Variants in TTC6 observed in about 807,000 individuals in gnomAD.
TTC6 encodes tetratricopeptide repeat protein 6.
TTC6 carries 172 observed loss-of-function variants against 210.4 expected under a neutral mutation model. The ratio of observed to expected loss-of-function variants is 0.82; its 90% CI spans 0.72 to 0.93. The LOEUF (loss-of-function observed/expected upper bound fraction) is 0.93. TTC6 is among the 40% of genes least tolerant of loss of function. TTC6 has a pLI of 0.00. For synonymous variants in TTC6, 804 were observed against 819.6 expected, an observed-to-expected ratio of 0.98 and a Z score of 0.32; for missense variants, 2,414 against 2,318.1, an observed-to-expected ratio of 1.04 and a Z score of -0.85.
intron 12 of TTC6, among the ~76,000 whole-genome samples, chr14:37,750,341 A>C (rs2095948043): frequency 6.6e-6 from 1 of 152,242 alleles, no homozygotes; most frequent in Non-Finnish European, 1.5e-5. Context: ...CACCTACAAC[A>C]TACCCATAAA....
intron 1 of TTC6, among the ~76,000 whole-genome samples, chr14:37,670,662 G>A (rs954747801): frequency 6.6e-6 from 1 of 151,486 alleles, no homozygotes; most frequent in Non-Finnish European, 1.5e-5. Flanking sequence ...GTAGAGATGG[G>A]GTTTCACCAT....
intron 14 of TTC6, among the ~76,000 whole-genome samples, chr14:37,784,769 A>G (rs1392611022): frequency 1.3e-5 from 2 of 152,054 alleles, no homozygotes; most frequent in Non-Finnish European, 2.9e-5. Flanking sequence ...CTGGTTGTTC[A>G]TATCCATGTT....
chr14:37,797,539 T>C (rs2096095512), intron 20 of TTC6, among the ~76,000 whole-genome samples: 1 of 152,008 alleles, frequency 6.6e-6, no homozygotes, highest in Non-Finnish European at 1.5e-5. Context: ...AAATTCTGTA[T>C]ACTAATCCTC....
At chr14:37,737,987 G>A (rs1352540330) in intron 9 of TTC6, among the ~76,000 whole-genome samples, 1 of 151,214 alleles carries the variant, frequency 6.6e-6, no homozygotes. Flanking sequence ...TTGAAATTTG[G>A]GCCAAAATTG....
intron 1 of TTC6, among the ~76,000 whole-genome samples, chr14:37,673,091 T>C (rs2095761636): frequency 6.6e-6 from 1 of 152,154 alleles, no homozygotes; most frequent in Non-Finnish European, 1.5e-5. Context: ...CCATTTTTTT[T>C]CTTTATCAAA....
Position 37,765,405 on chromosome 14 carries a change from G to A in TTC6, c.3266+12170G>A, listed in dbSNP as rs1957581. On this transcript the variant is annotated intron_variant, in intron 14 of 30. Coordinates refer to ENST00000553443, the Ensembl canonical transcript of TTC6. ...TTTGTAACCCAGGTTAGTTTCAAAC[G>A]CTTCGCCTCAAGCAATCCCCCAACT... Among the ~76,000 whole-genome samples, 174 of 145,020 alleles carry A rather than the reference G, an allele frequency of 1.2e-3. 4 individuals are homozygous for A. The South Asian group carries it at 0.021, about 17-fold the overall frequency.
chr14:37,770,326 G>A lies in TTC6; in HGVS notation c.3266+17091G>A, dbSNP rs1034198939. ...TGTAGATGTCTATTAGGTCTGCTTG[G>A]TGCAGAGCTGAGTTCAATTCCTGGG... is the stretch of plus-strand genomic sequence containing the variant. On this transcript the variant is annotated intron_variant, in intron 14 of 30. Coordinates refer to ENST00000553443, the Ensembl canonical transcript of TTC6. 4.2e-4 allele frequency among the ~76,000 whole-genome samples: 64 copies of A among 152,230 alleles called. 1 individual carries two copies. In the South Asian group the frequency reaches 6.0e-3, roughly 14 times the overall value.
chr14:37,835,122 C>G (rs2096194680), intron 29 of TTC6, among the ~76,000 whole-genome samples: 1 of 152,144 alleles, frequency 6.6e-6, no homozygotes, highest in Admixed American at 6.5e-5. Flanking sequence ...TCTTTGCACT[C>G]CTGGCAGGGC....
At chr14:37,696,884 G>A (rs1348732472) in intron 4 of TTC6, 49 bp downstream of exon 6, 24 of 736,300 alleles carry the variant, frequency 3.3e-5, no homozygotes, top group Non-Finnish European at 4.3e-5. Context: ...GAGTTATTCA[G>A]TAGCATAGAG....
intron 29 of TTC6, among the ~76,000 whole-genome samples, chr14:37,839,016 G>C (rs971818878): frequency 1.3e-5 from 2 of 152,318 alleles, no homozygotes; most frequent in African/African-American, 4.8e-5. Context: ...GTATTCCATG[G>C]TGTATATGTG....
intron 8 of TTC6, among the ~76,000 whole-genome samples, chr14:37,737,015 C>T (rs2095903466): frequency 1.3e-5 from 2 of 152,150 alleles, no homozygotes; most frequent in African/African-American, 4.8e-5. Flanking sequence ...GCCTCAGCCT[C>T]CCAAACTGTT....
At chr14:37,680,471 G>T (rs1345018107) in intron 2 of TTC6, among the ~76,000 whole-genome samples, 1 of 152,082 alleles carries the variant, frequency 6.6e-6, no homozygotes, top group Non-Finnish European at 1.5e-5. Context: ...CTGAGCTAAG[G>T]CCCCAGACTC....
chr14:37,661,423 G>T (rs927060120), intron 1 of TTC6, among the ~76,000 whole-genome samples: 3 of 152,168 alleles, frequency 2.0e-5, no homozygotes, highest in African/African-American at 4.8e-5. Context: ...TTATTGAATA[G>T]GGAATCCTTT....
intron 16 of TTC6, 24 bp from the exon 19 acceptor site, chr14:37,792,240 T>G: frequency 2.0e-6 from 3 of 1,471,048 alleles, no homozygotes; most frequent in Non-Finnish European, 2.7e-6. Context: ...TTTAACAAGA[T>G]TTCACTTTCT....
At chr14:37,668,103 C>G (rs1313058616) in intron 1 of TTC6, among the ~76,000 whole-genome samples, 1 of 149,844 alleles carries the variant, frequency 6.7e-6, no homozygotes, top group Non-Finnish European at 1.5e-5. Flanking sequence ...CCACTGCACA[C>G]CAGCCTGGGC....
intron 29 of TTC6, among the ~76,000 whole-genome samples, chr14:37,836,495 T>A (rs1451166321): frequency 1.3e-5 from 2 of 152,222 alleles, no homozygotes; most frequent in Non-Finnish European, 2.9e-5. Flanking sequence ...GGGCATCATG[T>A]AGAAAAGTAT....
chr14:37,624,225 C>T (rs1428928625), intron 1 of TTC6, among the ~76,000 whole-genome samples: 1 of 152,162 alleles, frequency 6.6e-6, no homozygotes, highest in Non-Finnish European at 1.5e-5. Context: ...ACTCACACCT[C>T]CCCATTGTTA....
At chr14:37,635,981 C>CAAAAAAA (rs71433909) in intron 1 of TTC6, among the ~76,000 whole-genome samples, 15 of 70,328 alleles carry the variant, frequency 2.1e-4, no homozygotes, top group African/African-American at 4.0e-4. Flanking sequence ...ATTCCATTTC[C>CAAAAAAA]AAAAAAAAAA....
At chr14:37,620,267 G>A (rs995950279), upstream of TTC6, among the ~76,000 whole-genome samples, 2 of 152,114 alleles carry the variant, frequency 1.3e-5, no homozygotes, top group East Asian at 1.9e-4. Flanking sequence ...TAGAGTTCTA[G>A]TGTCTGTGTT....
Sources: allele counts gnomAD v4.1 joint callset (sites outside exome capture counted in the v4.1 genomes callset), GRCh38; gene constraint gnomAD v4.1.1; transcripts MANE v1.5; gene names NCBI Gene and HGNC (gene_info 2026-07-23, HGNC 2026-07-21).